Variants in PPFIA2 observed in about 807,000 individuals in gnomAD.
PPFIA2 encodes liprin-alpha-2.
Under a neutral mutation model 175.5 loss-of-function variants are expected in PPFIA2, and 46 were observed. That is an observed-to-expected ratio of 0.26 (90% CI 0.21 to 0.34). The LOEUF (loss-of-function observed/expected upper bound fraction) is 0.34. PPFIA2 is among the 10% of genes least tolerant of loss of function. The pLI, the probability that PPFIA2 is intolerant of heterozygous loss-of-function variation, is 1.00. For missense variants in PPFIA2, 1,179 were observed against 1,506.1 expected, an observed-to-expected ratio of 0.78 and a Z score of 3.60; for synonymous variants, 568 against 511.4, an observed-to-expected ratio of 1.11 and a Z score of -1.49.
chr12:81,460,945 T>C (rs556488313), intron 4 of PPFIA2, among the ~76,000 whole-genome samples: 1 of 152,200 alleles, frequency 6.6e-6, no homozygotes. Context: ...TACTGGGTGA[T>C]TACGATAAGT....
chr12:81,433,373 C>G (rs1181018615), intron 7 of PPFIA2, among the ~76,000 whole-genome samples: 1 of 152,256 alleles, frequency 6.6e-6, no homozygotes, highest in East Asian at 1.9e-4. Context: ...CTGTTCCCTT[C>G]TGTATTTTGC....
intron 4 of PPFIA2, among the ~76,000 whole-genome samples, chr12:81,578,507 T>G (rs905434190): frequency 9.9e-5 from 15 of 151,820 alleles, no homozygotes; most frequent in African/African-American, 3.6e-4. Flanking sequence ...TATCTCACTT[T>G]TAAAAAGAAC....
chr12:81,359,296 C>T (rs2061297713), intron 15 of PPFIA2, among the ~76,000 whole-genome samples: 1 of 151,946 alleles, frequency 6.6e-6, no homozygotes, highest in East Asian at 1.9e-4. Context: ...GCAGAAGACA[C>T]TAACTTAAGA....
At chr12:81,638,677 A>ATTTT (rs1287049321) in intron 4 of PPFIA2, among the ~76,000 whole-genome samples, 10 of 97,748 alleles carry the variant, frequency 1.0e-4, no homozygotes, top group East Asian at 2.6e-4. Context: ...TTTGTCATAA[A>ATTTT]TTTTCTTTTT....
chr12:81,362,616 T>A (rs2031294762), intron 15 of PPFIA2, 77 bp downstream of exon 15: 1 of 942,452 alleles, frequency 1.1e-6, no homozygotes, highest in African/African-American at 1.7e-5. Context: ...TTTATTTTAG[T>A]TGAGGACATA....
intron 19 of PPFIA2, among the ~76,000 whole-genome samples, chr12:81,342,668 G>C (rs1197042539): frequency 6.6e-6 from 1 of 151,934 alleles, no homozygotes; most frequent in Non-Finnish European, 1.5e-5. Flanking sequence ...CCACAACCCA[G>C]CTAAACTCTT....
At chr12:81,383,321 A>C (rs1442902188) in intron 9 of PPFIA2, among the ~76,000 whole-genome samples, 1 of 152,164 alleles carries the variant, frequency 6.6e-6, no homozygotes, top group Non-Finnish European at 1.5e-5. Context: ...AATTTCCACA[A>C]ATATAATTTT....
intron 4 of PPFIA2, among the ~76,000 whole-genome samples, chr12:81,648,350 T>A (rs187431141): frequency 2.0e-5 from 3 of 151,942 alleles, no homozygotes; most frequent in African/African-American, 7.2e-5. Context: ...CATTCATCTA[T>A]GTAAAAAAAG....
rs770338064 is a variant in PPFIA2 at position 81,436,633 on chromosome 12, A to G, written c.645+3339T>C. Among the ~76,000 whole-genome samples the G allele has an allele frequency of 3.0e-4, 46 of 152,086 alleles. 1 individual carries two copies. The highest frequency in any genetic ancestry group is 6.5e-4 in the Admixed American group (10 of 15,274). ...TTACTTACAGTGATTTCTTATACCA[A>G]TTGCTCTTACTATAGAGAATCAACA... is the stretch of plus-strand genomic sequence containing the variant. On this transcript the variant is annotated intron_variant, in intron 7 of 32. Transcript: ENST00000549396.
intron 4 of PPFIA2, among the ~76,000 whole-genome samples, chr12:81,668,547 CTTCT>C (rs2070797252): frequency 1.3e-5 from 2 of 152,024 alleles, no homozygotes; most frequent in African/African-American, 4.8e-5. Context: ...AATACCACTG[CTTCT>C]TTCTATGAGT....
At chr12:81,266,913 TA>T in intron 30 of PPFIA2, 38 bp downstream of exon 30, 1 of 1,449,332 alleles carries the variant, frequency 6.9e-7, no homozygotes, top group Non-Finnish European at 9.7e-7. Flanking sequence ...ATTTTTCTTT[TA>T]CTCTCTCAGA....
intron 22 of PPFIA2, among the ~76,000 whole-genome samples, chr12:81,309,613 T>C (rs745325008): frequency 2.0e-5 from 3 of 152,026 alleles, no homozygotes; most frequent in Non-Finnish European, 4.4e-5. Context: ...CCATGACATA[T>C]TTAAGTAGTG....
intron 4 of PPFIA2, among the ~76,000 whole-genome samples, chr12:81,569,713 C>T (rs1463279085): frequency 2.6e-5 from 4 of 152,094 alleles, no homozygotes; most frequent in African/African-American, 9.7e-5. Flanking sequence ...TATAATAATA[C>T]CAATAGCTTC....
At chr12:81,539,418 G>C (rs145444343) in intron 4 of PPFIA2, among the ~76,000 whole-genome samples, 22 of 152,036 alleles carry the variant, frequency 1.4e-4, no homozygotes, top group African/African-American at 5.3e-4. Flanking sequence ...TGTCTGGAGA[G>C]GAAAAGAAGC....
chr12:81,538,610 T>C lies in PPFIA2; in HGVS notation c.304-80744A>G, dbSNP rs577592577. ...AGAAGATGCTATTTCAACAAAGACT[T>C]GAAAGAAGTGAACATGTGGATATCA... On this transcript the variant is annotated intron_variant, in intron 4 of 32. Transcript: ENST00000549396. 5.5e-4 allele frequency among the ~76,000 whole-genome samples: 83 copies of C among 151,804 alleles called. No homozygotes were observed. The South Asian group carries it at 0.017, about 31-fold the overall frequency.
chr12:81,544,202 C>A (rs2066642828), intron 4 of PPFIA2, among the ~76,000 whole-genome samples: 1 of 152,042 alleles, frequency 6.6e-6, no homozygotes, highest in African/African-American at 2.4e-5. Context: ...TTTTCTGTAA[C>A]CCTAAAAGTA....
At chr12:81,510,773 A>G (rs1367793558) in intron 4 of PPFIA2, among the ~76,000 whole-genome samples, 1 of 152,110 alleles carries the variant, frequency 6.6e-6, no homozygotes, top group African/African-American at 2.4e-5. Flanking sequence ...TATAGTCATC[A>G]TAAAAGAAAA....
rs569971306 is a variant in PPFIA2, at chr12:81,683,454, A to G, written c.250-6610T>C. Among the ~76,000 whole-genome samples the G allele has an allele frequency of 6.6e-5, 10 of 152,112 alleles. No individual in the cohort carries two copies. In the East Asian group the frequency reaches 1.7e-3, roughly 27 times the overall value. ...AGCCCAACTATCCATTTAAATTTTA[A>G]GTTAGATCACATTGCTGTCTTGACC... is the stretch of plus-strand genomic sequence containing the variant. On this transcript the variant is annotated intron_variant, in intron 3 of 32. Coordinates refer to ENST00000549396, the MANE Select transcript of PPFIA2 (RefSeq NM_003625.5).
At chr12:81,680,816 A>C (rs1427334639) in intron 3 of PPFIA2, among the ~76,000 whole-genome samples, 2 of 151,926 alleles carry the variant, frequency 1.3e-5, no homozygotes, top group Non-Finnish European at 2.9e-5. Flanking sequence ...GTCCAGTGGA[A>C]ATTGGGACCA....
Sources: gnomAD v4.1 joint callset for allele counts (sites outside exome capture counted in the v4.1 genomes callset) on GRCh38, gnomAD v4.1.1 for gene constraint, MANE v1.5 for transcripts, NCBI Gene and HGNC (gene_info 2026-07-23, HGNC 2026-07-21) for gene names.